The following TMC1 variants were observed in gnomAD, a reference collection of about 807,000 sequenced individuals.
The protein encoded by TMC1 is transmembrane channel like 1, also known as transmembrane channel-like protein 1.
A neutral mutation model predicts 105.8 loss-of-function variants in TMC1; 84 were observed. The observed-to-expected ratio is 0.79, with a 90% CI of 0.67 to 0.95. The LOEUF (loss-of-function observed/expected upper bound fraction) is 0.95. Ranked by LOEUF, TMC1 falls within the 40% of genes least tolerant of loss-of-function variation. The probability of loss-of-function intolerance (pLI) is 0.00; values close to 1 mark genes in which losing one functional copy is unlikely to be tolerated. For missense variants in TMC1, 817 were observed against 914.1 expected, an observed-to-expected ratio of 0.89 and a Z score of 1.37; for synonymous variants, 315 against 311.5, an observed-to-expected ratio of 1.01 and a Z score of -0.12.
At chr9:72,719,175 G>C (rs1439977669) in intron 8 of TMC1, among the ~76,000 whole-genome samples, 1 of 152,120 alleles carries the variant, frequency 6.6e-6, no homozygotes, top group South Asian at 2.1e-4. Flanking sequence ...GCCTGTCACC[G>C]GATTCACATC....
At chr9:72,819,709 C>T (rs1194854128) in intron 19 of TMC1, among the ~76,000 whole-genome samples, 1 of 152,122 alleles carries the variant, frequency 6.6e-6, no homozygotes, top group African/African-American at 2.4e-5. Context: ...TTAAAAATGT[C>T]TCTATAATGA....
At chr9:72,704,830 T>G (rs961179344) in intron 8 of TMC1, among the ~76,000 whole-genome samples, 6 of 152,194 alleles carry the variant, frequency 3.9e-5, no homozygotes, top group African/African-American at 1.4e-4. Context: ...ATCTAAAAAT[T>G]ACTGATATAT....
intron 2 of TMC1, among the ~76,000 whole-genome samples, chr9:72,612,691 C>T (rs2132120984): frequency 6.6e-6 from 1 of 152,278 alleles, no homozygotes; most frequent in African/African-American, 2.4e-5. Context: ...TTGAAAGACC[C>T]ATGATCTAGG....
At chr9:72,658,441 C>A (rs147176608) in intron 5 of TMC1, among the ~76,000 whole-genome samples, 434 of 152,174 alleles carry the variant, frequency 2.9e-3, no homozygotes, top group Non-Finnish European at 3.8e-3. Context: ...GCAGTGCAGG[C>A]CCTGACATAC....
chr9:72,602,655 G>A lies in TMC1; in HGVS notation c.-305-13713G>A, dbSNP rs1430768650. 3.3e-5 allele frequency among the ~76,000 whole-genome samples: 5 copies of A among 152,126 alleles called. No individual in the cohort carries two copies. The South Asian group carries it at 8.3e-4, about 25-fold the overall frequency. ...CTCCCAAAATGTTGGGATTATAGGC[G>A]TGAGCCACTGCACCCGGCCCCTTAT... On this transcript the variant is annotated intron_variant, in intron 2 of 23. Transcript: ENST00000297784.
intron 2 of TMC1, among the ~76,000 whole-genome samples, chr9:72,593,097 T>C (rs1166461802): frequency 1.3e-5 from 2 of 151,962 alleles, no homozygotes. Context: ...GTTGGAAAAA[T>C]TGGATAATTA....
At chr9:72,723,397 C>T (rs887700093) in intron 8 of TMC1, among the ~76,000 whole-genome samples, 2 of 152,078 alleles carry the variant, frequency 1.3e-5, no homozygotes, top group East Asian at 1.9e-4. Flanking sequence ...AATCTCTTGC[C>T]ATTCACATTA....
At chr9:72,590,221 T>C (rs188095889) in intron 2 of TMC1, among the ~76,000 whole-genome samples, 1 of 152,358 alleles carries the variant, frequency 6.6e-6, no homozygotes, top group East Asian at 1.9e-4. Context: ...TATTTGACCG[T>C]TTGATCTCTG....
intron 21 of TMC1, among the ~76,000 whole-genome samples, chr9:72,827,523 C>CA (rs1403121111): frequency 2.6e-5 from 4 of 152,208 alleles, no homozygotes; most frequent in Non-Finnish European, 4.4e-5. Context: ...ATAATAGAAT[C>CA]AGAGGACCAG....
chr9:72,613,966 A>T (rs1218311922), intron 2 of TMC1, among the ~76,000 whole-genome samples: 1 of 152,194 alleles, frequency 6.6e-6, no homozygotes, highest in African/African-American at 2.4e-5. Flanking sequence ...TTAAAACTAG[A>T]TACTTTAACA....
intron 2 of TMC1, among the ~76,000 whole-genome samples, chr9:72,609,639 TTAATAGGTAG>T (rs1824990276): frequency 6.6e-6 from 1 of 152,204 alleles, no homozygotes; most frequent in Non-Finnish European, 1.5e-5. Context: ...AAAACTCTTT[TTAATAGGTAG>T]GCAGGGAAAA....
At chr9:72,611,372 G>C (rs1200873758) in intron 2 of TMC1, among the ~76,000 whole-genome samples, 2 of 152,198 alleles carry the variant, frequency 1.3e-5, no homozygotes, top group African/African-American at 4.8e-5. Flanking sequence ...AAGGTATTTT[G>C]CTATAGAGAG....
rs542058497 is a variant in TMC1 at position 72,814,614 on chromosome 9, A to G, written c.1696-1529A>G. On this transcript the variant is annotated intron_variant, in intron 18 of 23. Coordinates refer to ENST00000297784, the MANE Select transcript of TMC1 (RefSeq NM_138691.3). Reference sequence around the variant, plus strand: ...TCATTATGTATCATCCTATCATTTTACCTTGAGGGTTAACCATTCCTGTTA... The same window carrying G: ...TCATTATGTATCATCCTATCATTTTGCCTTGAGGGTTAACCATTCCTGTTA... Among the ~76,000 whole-genome samples the G allele has an allele frequency of 6.6e-5, 10 of 152,244 alleles. 1 individual carries two copies. Among genetic ancestry groups the G allele is most frequent in the African/African-American group, 2.2e-4 (9 of 41,530 alleles).
intron 1 of TMC1, among the ~76,000 whole-genome samples, chr9:72,545,994 TG>T (rs1823760333): frequency 2.0e-5 from 3 of 151,468 alleles, no homozygotes; most frequent in African/African-American, 7.3e-5. Context: ...CATAAATTGA[TG>T]GTACAGACTG....
At chr9:72,618,361 A>G (rs1825177027) in intron 3 of TMC1, among the ~76,000 whole-genome samples, 1 of 152,080 alleles carries the variant, frequency 6.6e-6, no homozygotes, top group Admixed American at 6.6e-5. Context: ...TTTGAAGCCA[A>G]GTTAGTATTT....
At chr9:72,713,677 G>A (rs1466844632) in intron 8 of TMC1, among the ~76,000 whole-genome samples, 1 of 148,322 alleles carries the variant, frequency 6.7e-6, no homozygotes, top group Non-Finnish European at 1.5e-5. Context: ...TTCTTTATTA[G>A]TCTGGCTAGT....
chr9:72,621,305 T>G (rs1442279223), intron 3 of TMC1, among the ~76,000 whole-genome samples: 1 of 152,198 alleles, frequency 6.6e-6, no homozygotes, highest in East Asian at 1.9e-4. Flanking sequence ...TCTCAGGGGA[T>G]CAAGCTACTA....
In TMC1 at chr9:72,702,308, C is replaced by G. The variant is rs143558711; in HGVS notation, c.362+1665C>G. On this transcript the variant is annotated intron_variant, in intron 8 of 23. Coordinates refer to ENST00000297784, the MANE Select transcript of TMC1 (RefSeq NM_138691.3). Reference sequence around the variant, plus strand: ...TAGAAATACCCCCCTGGTCTTTGCCCGTATCTCTCGTGCAGGATCGTGGAG... The same window carrying G: ...TAGAAATACCCCCCTGGTCTTTGCCGGTATCTCTCGTGCAGGATCGTGGAG... 6.4e-3 allele frequency among the ~76,000 whole-genome samples: 969 copies of G among 152,142 alleles called. 13 individuals are homozygous for G. Among genetic ancestry groups the G allele is most frequent in the African/African-American group, 0.022 (900 of 41,502 alleles).
At chr9:72,701,842 G>T (rs1325886596) in intron 8 of TMC1, among the ~76,000 whole-genome samples, 1 of 152,048 alleles carries the variant, frequency 6.6e-6, no homozygotes, top group African/African-American at 2.4e-5. Context: ...GGTTTTCCAA[G>T]TTCTAAACAA....
Sources: gnomAD v4.1 joint callset for allele counts (sites outside exome capture counted in the v4.1 genomes callset) on GRCh38, gnomAD v4.1.1 for gene constraint, MANE v1.5 for transcripts, NCBI Gene and HGNC (gene_info 2026-07-23, HGNC 2026-07-21) for gene names.